MYRIP: variants seen among roughly 807,000 people sequenced by gnomAD.
MYRIP encodes the protein myosin VIIA and Rab interacting protein, also known as rab effector MyRIP.
Under a neutral mutation model 98.0 loss-of-function variants are expected in MYRIP, and 49 were observed. The ratio of observed to expected loss-of-function variants is 0.50; its 90% CI spans 0.40 to 0.63. MYRIP has a LOEUF of 0.63. Ranked by LOEUF, MYRIP falls within the 30% of genes least tolerant of loss-of-function variation. The pLI, the probability that MYRIP is intolerant of heterozygous loss-of-function variation, is 0.00. For synonymous variants in MYRIP, 404 were observed against 409.5 expected, an observed-to-expected ratio of 0.99 and a Z score of 0.16; for missense variants, 1,004 against 1,058.2, an observed-to-expected ratio of 0.95 and a Z score of 0.71.
intron 2 of MYRIP, among the ~76,000 whole-genome samples, chr3:39,954,403 A>C (rs953110411): frequency 6.6e-6 from 1 of 152,142 alleles, no homozygotes; most frequent in African/African-American, 2.4e-5. Context: ...CCAGGCAAAC[A>C]TGGTCTGGAG....
At chr3:40,142,756 A>G (rs1028919465) in intron 3 of MYRIP, among the ~76,000 whole-genome samples, 4 of 152,186 alleles carry the variant, frequency 2.6e-5, no homozygotes, top group Non-Finnish European at 2.9e-5. Flanking sequence ...ACTGAGTCTG[A>G]CCAACTTGGA....
At chr3:40,183,976 T>G (rs1950959511) in intron 9 of MYRIP, among the ~76,000 whole-genome samples, 1 of 152,220 alleles carries the variant, frequency 6.6e-6, no homozygotes, top group Non-Finnish European at 1.5e-5. Context: ...CCAAAAGAGA[T>G]TATTTTTATA....
chr3:40,040,214 A>G (rs997622155), intron 2 of MYRIP, among the ~76,000 whole-genome samples: 10 of 152,120 alleles, frequency 6.6e-5, no homozygotes, highest in Non-Finnish European at 1.3e-4. Flanking sequence ...TGCAGCCAAA[A>G]AACACATGAA....
intron 2 of MYRIP, among the ~76,000 whole-genome samples, chr3:39,917,697 C>T: frequency 6.9e-6 from 1 of 145,212 alleles, no homozygotes; most frequent in East Asian, 2.1e-4. Flanking sequence ...TCTTTATTGT[C>T]ATATGCCTAA....
intron 2 of MYRIP, among the ~76,000 whole-genome samples, chr3:40,004,043 T>G (rs1481880387): frequency 6.6e-6 from 1 of 152,182 alleles, no homozygotes; most frequent in Non-Finnish European, 1.5e-5. Context: ...CCTGGGCCCC[T>G]GCCCCTTGAA....
At chr3:40,219,118 A>G (rs933539719) in intron 11 of MYRIP, among the ~76,000 whole-genome samples, 1 of 152,200 alleles carries the variant, frequency 6.6e-6, no homozygotes, top group South Asian at 2.1e-4. Flanking sequence ...CTGGTTAATC[A>G]TTTGAGAAAA....
chr3:40,156,401 T>C (rs531632215), intron 4 of MYRIP, among the ~76,000 whole-genome samples: 1 of 152,336 alleles, frequency 6.6e-6, no homozygotes, highest in Non-Finnish European at 1.5e-5. Context: ...TGTAGCCTTG[T>C]AGTATAGTTT....
At chr3:40,123,953 T>G (rs933613716) in intron 3 of MYRIP, among the ~76,000 whole-genome samples, 2 of 152,192 alleles carry the variant, frequency 1.3e-5, no homozygotes, top group Non-Finnish European at 2.9e-5. Context: ...AGAACTGGGT[T>G]GGTGCAAGGC....
chr3:40,190,511 A>T, intron 10 of MYRIP, 48 bp downstream of exon 10: 1 of 1,531,618 alleles, frequency 6.5e-7, no homozygotes. Flanking sequence ...TTTAGGTAGG[A>T]TGTGCCCTAC....
intron 2 of MYRIP, among the ~76,000 whole-genome samples, chr3:39,929,024 G>T (rs757201257): frequency 6.6e-6 from 1 of 151,068 alleles, no homozygotes; most frequent in Non-Finnish European, 1.5e-5. Flanking sequence ...GTGTGTTTGT[G>T]GTCTGTGTGT....
chr3:40,105,500 C>T (rs1253161431), intron 3 of MYRIP, among the ~76,000 whole-genome samples: 1 of 152,008 alleles, frequency 6.6e-6, no homozygotes, highest in Non-Finnish European at 1.5e-5. Flanking sequence ...CTGGAGCAGG[C>T]GTCTCACTGG....
intron 10 of MYRIP, among the ~76,000 whole-genome samples, chr3:40,192,315 T>TATATAC (rs1553624956): frequency 0.035 from 721 of 20,728 alleles, 73 homozygotes; most frequent in African/African-American, 0.059. Flanking sequence ...TCTTCATATA[T>TATATAC]ATATATATAT....
chr3:40,090,202 T>C (rs1265637471), intron 3 of MYRIP, among the ~76,000 whole-genome samples: 1 of 152,092 alleles, frequency 6.6e-6, no homozygotes, highest in African/African-American at 2.4e-5. Context: ...GCCTCATCTG[T>C]GAAGATTATG....
chr3:39,816,469 T>C (rs1940920775), intron 1 of MYRIP, among the ~76,000 whole-genome samples: 1 of 152,226 alleles, frequency 6.6e-6, no homozygotes, highest in African/African-American at 2.4e-5. Context: ...TACTTGAGGA[T>C]CAGTGTCTTG....
At chr3:40,156,426 T>G (rs1258760807) in intron 4 of MYRIP, among the ~76,000 whole-genome samples, 1 of 152,230 alleles carries the variant, frequency 6.6e-6, no homozygotes, top group Non-Finnish European at 1.5e-5. Flanking sequence ...TCAGGTAGTG[T>G]GATGCCTCCA....
chr3:40,215,657 T>C (rs1034502014), intron 11 of MYRIP, among the ~76,000 whole-genome samples: 2 of 152,344 alleles, frequency 1.3e-5, no homozygotes, highest in Non-Finnish European at 2.9e-5. Context: ...TGTCTATATA[T>C]GTCTGACGTT....
intron 3 of MYRIP, among the ~76,000 whole-genome samples, chr3:40,111,832 T>G (rs1256740381): frequency 6.6e-6 from 1 of 152,138 alleles, no homozygotes; most frequent in Non-Finnish European, 1.5e-5. Context: ...AAGCAGGTGG[T>G]GTTTATTTCC....
intron 11 of MYRIP, among the ~76,000 whole-genome samples, chr3:40,216,947 C>T (rs939738301): frequency 5.3e-5 from 8 of 151,982 alleles, no homozygotes; most frequent in Admixed American, 2.0e-4. Context: ...CATATACATA[C>T]GTGTAAAAAA....
intron 2 of MYRIP, among the ~76,000 whole-genome samples, chr3:39,928,479 C>T (rs1944468217): frequency 6.6e-6 from 1 of 151,614 alleles, no homozygotes; most frequent in Admixed American, 6.6e-5. Context: ...GAGTTATACA[C>T]TATGAGCAAG....
Sources: gnomAD v4.1 joint callset for allele counts (sites outside exome capture counted in the v4.1 genomes callset) on GRCh38, gnomAD v4.1.1 for gene constraint, MANE v1.5 for transcripts, NCBI Gene and HGNC (gene_info 2026-07-23, HGNC 2026-07-21) for gene names.